The following SHISA8 variants were observed in gnomAD, a reference collection of about 807,000 sequenced individuals.
The protein encoded by SHISA8 is shisa family member 8.
In SHISA8, 21 loss-of-function variants were observed where a neutral mutation model predicts 21.1. The observed-to-expected ratio is 0.99, with a 90% CI of 0.71 to 1.43. SHISA8 has a LOEUF of 1.43. Among genes scored for constraint, SHISA8 ranks in the 40% most tolerant of loss-of-function variants. SHISA8 has a pLI of 0.00. For missense variants in SHISA8, 535 were observed against 599.1 expected, an observed-to-expected ratio of 0.89 and a Z score of 1.12; for synonymous variants, 300 against 291.4, an observed-to-expected ratio of 1.03 and a Z score of -0.30.
chr22:41,914,648 C>A lies in SHISA8; in HGVS notation c.20G>T (p.Arg7Leu), dbSNP rs932596660. 1.5e-3 allele frequency: 1,583 copies of A among 1,022,400 alleles called. 1 individual carries two copies. Among genetic ancestry groups the A allele is most frequent in the Non-Finnish European group, 1.8e-3 (1,500 of 856,220 alleles). The allele number at this position is 1,022,400 out of a possible 1,614,324, so 63.3% of individuals were successfully genotyped here. A position where few individuals can be genotyped will look rare whatever the true frequency, so the allele number is the denominator to read the frequency against. MARAGARGLLGGRRPPG... is the reference protein window; with the variant it reads MARAGALGLLGGRRPPG... ...AGGACGGCGGCCGCCGAGCAGTCCC[C>A]GCGCCCCGGCCCGCGCCATCGGGCC... Residue 7 changes from arginine to leucine, a missense_variant, in exon 1 of 4, where the codon CGG becomes CTG. Physicochemically the swap from Arg to Leu is moderately radical, Grantham distance 102. Transcript: ENST00000621082. The surrounding 1 kb of genome is among the most constrained non-coding windows in gnomAD (Gnocchi z 6.8).
In SHISA8 at chr22:41,914,689, T is replaced by C. The variant is rs1382835756; in HGVS notation, c.-22A>G. 3.9e-6 allele frequency: 4 copies of C among 1,014,572 alleles called. No homozygotes were observed. The highest frequency in any genetic ancestry group is 2.4e-6 in the Non-Finnish European group (2 of 850,988). 62.8% of individuals were successfully genotyped at this position (1,014,572 alleles called of 1,614,324 possible). ...CCATCGGGCCCGCGCCTCCCGCTAC[T>C]GCGCCCGGTGCATGGCCGGGCGCCG... is the stretch of plus-strand genomic sequence containing the variant. On this transcript the variant is annotated 5_prime_UTR_variant, in exon 1 of 4. Coordinates refer to ENST00000621082, the MANE Select transcript of SHISA8 (RefSeq NM_001207020.3). The surrounding 1 kb of genome is among the most constrained non-coding windows in gnomAD (Gnocchi z 6.8).
At chr22:41,913,194 C>T (rs1258533836) in intron 1 of SHISA8, among the ~76,000 whole-genome samples, 1 of 152,266 alleles carries the variant, frequency 6.6e-6, no homozygotes, top group Non-Finnish European at 1.5e-5. Flanking sequence ...AAGCCCTCAC[C>T]CCCTGCCTCT....
Position 41,909,829 on chromosome 22 carries a change from T to C in SHISA8, c.1130A>G (p.Tyr377Cys). The C allele has an allele frequency of 2.0e-6, 3 of 1,522,468 alleles. No homozygotes were observed. In the South Asian group the frequency reaches 3.7e-5, roughly 19 times the overall value. The allele number at this position is 1,522,468 out of a possible 1,614,324, so 94.3% of individuals were successfully genotyped here. ...ETFNPQLPGL[Y>C]GSAGRGSRYL... is the part of the protein sequence containing the mutation. The stretch of plus-strand genomic sequence containing the variant: ...CCGGGACCCGCGGCCCGCGCTGCCG[T>C]AAAGGCCGGGGAGCTGCGGGTTGAA... Residue 377 changes from tyrosine to cysteine, a missense_variant, in exon 4 of 4, where the codon TAC (tyrosine) becomes TGC (cysteine). Physicochemically the swap from Tyr to Cys is radical, Grantham distance 194. Transcript: ENST00000621082.
intron 1 of SHISA8, among the ~76,000 whole-genome samples, chr22:41,911,722 G>A (rs570804866): frequency 9.9e-4 from 151 of 152,112 alleles, no homozygotes; most frequent in African/African-American, 3.5e-3. Flanking sequence ...CCCCATCAGC[G>A]GCCTCCTCCA....
In SHISA8 at chr22:41,914,452, C is replaced by T; in HGVS notation, c.216G>A (p.Pro72=). The stretch of plus-strand genomic sequence containing the variant: ...AGGCTCCGGAGCTGCAGTTGAAGGG[C>T]GGGTCCCACTGGCCCATCACGTCGT... ...GYYDVMGQWD[P]PFNCSSGAYS... Residue 72 remains proline, a synonymous_variant, in exon 1 of 4, where the codon CCG becomes CCA. Coordinates refer to ENST00000621082, the MANE Select transcript of SHISA8 (RefSeq NM_001207020.3). The surrounding 1 kb of genome is among the most constrained non-coding windows in gnomAD (Gnocchi z 6.8). The T allele has an allele frequency of 7.4e-7, 1 of 1,354,720 alleles. No homozygotes were observed. The highest frequency in any genetic ancestry group is 9.5e-7 in the Non-Finnish European group (1 of 1,049,212). The allele number at this position is 1,354,720 out of a possible 1,614,324, so 83.9% of individuals were successfully genotyped here. A position where few individuals can be genotyped will look rare whatever the true frequency, so the allele number is the denominator to read the frequency against.
At position 41,910,521 on chromosome 22, in the gene SHISA8, G is replaced by A. The variant is rs756513515; in HGVS notation, c.698C>T (p.Ser233Leu). Residue 233 changes from serine to leucine, a missense_variant, in exon 3 of 4, where the codon TCG becomes TTG. By Grantham distance (145) the Ser-to-Leu change is moderately radical. Coordinates refer to ENST00000621082, the MANE Select transcript of SHISA8 (RefSeq NM_001207020.3). The surrounding 1 kb of genome is among the most constrained non-coding windows in gnomAD (Gnocchi z 6.8). The stretch of plus-strand genomic sequence containing the variant: ...GCCGCGCGGGGGCCCCGGGGCGGCC[G>A]ACCCCCGGGGCGCGTTGTTGAGGCG... ...KKRLNNAPRG[S>L]AAPGPPRGPR... 4.1e-5 allele frequency: 51 copies of A among 1,245,142 alleles called. 1 individual carries two copies. The South Asian group carries it at 9.7e-4, about 24-fold the overall frequency. The allele number at this position is 1,245,142 out of a possible 1,614,324, so 77.1% of individuals were successfully genotyped here.
chr22:41,914,683 C>G lies in SHISA8; in HGVS notation c.-16G>C. 3 of 1,016,062 alleles carry G rather than the reference C, an allele frequency of 3.0e-6. No individual in the cohort carries two copies. The highest frequency in any genetic ancestry group is 3.5e-6 in the Non-Finnish European group (3 of 851,932). The allele number at this position is 1,016,062 out of a possible 1,614,324, so 62.9% of individuals were successfully genotyped here. A position where few individuals can be genotyped will look rare whatever the true frequency, so the allele number is the denominator to read the frequency against. ...CCCGCGCCATCGGGCCCGCGCCTCC[C>G]GCTACTGCGCCCGGTGCATGGCCGG... On this transcript the variant is annotated 5_prime_UTR_variant, in exon 1 of 4. Transcript: ENST00000621082. This position sits in a 1 kb window ranked among gnomAD's most constrained non-coding sequence, Gnocchi z 6.8.
rs996162391 is a variant in SHISA8 at position 41,910,009 on chromosome 22, G to A, written c.950C>T (p.Ala317Val). ...ATAGGGGCCCGGCGCGGCAGGGGGCGCGTAGACCGGCGGGGCCCAGGGGCA... is the reference window on the plus strand; with the variant it reads ...ATAGGGGCCCGGCGCGGCAGGGGGCACGTAGACCGGCGGGGCCCAGGGGCA... ...DACPWAPPVYAPPAAPGPYAA... is the reference protein window; with the variant it reads ...DACPWAPPVYVPPAAPGPYAA... Residue 317 changes from alanine (A) to valine (V), a missense_variant, in exon 4 of 4, where the codon GCG (alanine) becomes GTG (valine). Ala to Val is a moderately conservative substitution (Grantham distance 64). Transcript: ENST00000621082. The surrounding 1 kb of genome is among the most constrained non-coding windows in gnomAD (Gnocchi z 6.8). 2.3e-6 allele frequency: 3 copies of A among 1,284,036 alleles called. No homozygotes were observed. The highest frequency in any genetic ancestry group is 1.6e-5 in the African/African-American group (1 of 64,494). The allele number at this position is 1,284,036 out of a possible 1,614,324, so 79.5% of individuals were successfully genotyped here. A position where few individuals can be genotyped will look rare whatever the true frequency, so the allele number is the denominator to read the frequency against.
chr22:41,913,717 T>C (rs1341493734), intron 1 of SHISA8, among the ~76,000 whole-genome samples: 1 of 144,120 alleles, frequency 6.9e-6, no homozygotes, highest in African/African-American at 2.6e-5. Flanking sequence ...GAGGGAGGAG[T>C]GGGGAGAAGC....
rs776508624 is a variant in SHISA8 at position 41,909,919 on chromosome 22, A to C, written c.1040T>G (p.Phe347Cys). Reference sequence around the variant, plus strand: ...GTGCCCGGGTCGCCGGGGTACCTGGAAGGCCCGAGCCGTCGGGTGGCTGAG... The same window carrying C: ...GTGCCCGGGTCGCCGGGGTACCTGGCAGGCCCGAGCCGTCGGGTGGCTGAG... ...APLSHPTARA[F>C]QVPRRPGHAA... The change falls in exon 4 of 4, where the codon TTC (phenylalanine) becomes TGC (cysteine). Residue 347 changes from phenylalanine to cysteine, a missense_variant. Physicochemically the swap from Phe to Cys is radical, Grantham distance 205 (BLOSUM62 -2). Coordinates refer to ENST00000621082, the MANE Select transcript of SHISA8 (RefSeq NM_001207020.3). 6.6e-7 allele frequency: 1 copy of C among 1,525,834 alleles called. No homozygotes were observed. The highest frequency in any genetic ancestry group is 1.2e-5 in the South Asian group (1 of 82,508). 94.5% of individuals were successfully genotyped at this position (1,525,834 alleles called of 1,614,324 possible).
In SHISA8 at chr22:41,909,835, C is replaced by T; in HGVS notation, c.1124G>A (p.Gly375Asp). 1 of 1,527,634 alleles carries T rather than the reference C, an allele frequency of 6.5e-7. No individual in the cohort carries two copies. The highest frequency in any genetic ancestry group is 8.7e-7 in the Non-Finnish European group (1 of 1,143,280). The allele number at this position is 1,527,634 out of a possible 1,614,324, so 94.6% of individuals were successfully genotyped here. Residue 375 changes from glycine (G) to aspartate (D), a missense_variant, in exon 4 of 4, where the codon GGC becomes GAC. Transcript: ENST00000621082. Reference sequence around the variant, plus strand: ...CCCGCGGCCCGCGCTGCCGTAAAGGCCGGGGAGCTGCGGGTTGAAGGTCTC... The same window carrying T: ...CCCGCGGCCCGCGCTGCCGTAAAGGTCGGGGAGCTGCGGGTTGAAGGTCTC... ...MPETFNPQLP[G>D]LYGSAGRGSR...
Position 41,910,254 on chromosome 22 carries a change from C to T in SHISA8, c.812-107G>A. On this transcript the variant is annotated intron_variant, in intron 3 of 3. Transcript: ENST00000621082. The surrounding 1 kb of genome is among the most constrained non-coding windows in gnomAD (Gnocchi z 6.8). ...GGGACGGGGACCGGGCCGGGGCGGG[C>T]CGGGGGCGGGGCCCGCTGGGGCGAG... 3.3e-6 allele frequency: 4 copies of T among 1,225,464 alleles called. No individual in the cohort carries two copies. The highest frequency in any genetic ancestry group is 4.1e-6 in the Non-Finnish European group (4 of 982,548). The allele number at this position is 1,225,464 out of a possible 1,614,324, so 75.9% of individuals were successfully genotyped here.
rs931180046 is a variant in SHISA8 at position 41,909,985 on chromosome 22, T to C, written c.974A>G (p.Tyr325Cys). 20 of 1,338,352 alleles carry C rather than the reference T, an allele frequency of 1.5e-5. No homozygotes were observed. The highest frequency in any genetic ancestry group is 1.9e-5 in the Non-Finnish European group (20 of 1,053,740). The allele number at this position is 1,338,352 out of a possible 1,614,324, so 82.9% of individuals were successfully genotyped here. A position where few individuals can be genotyped will look rare whatever the true frequency, so the allele number is the denominator to read the frequency against. ...VYAPPAAPGP[Y>C]AAWTSSRPAR... ...CGGGCGACTGGAGGTCCAGGCGGCA[T>C]AGGGGCCCGGCGCGGCAGGGGGCGC... Residue 325 changes from tyrosine to cysteine, a missense_variant, in exon 4 of 4, where the codon TAT becomes TGT. Physicochemically the swap from Tyr to Cys is radical, Grantham distance 194. Transcript: ENST00000621082.
rs2077552569 is a variant in SHISA8, at chr22:41,911,353, C to T, written c.531-4G>A. The T allele has an allele frequency of 4.8e-6, 6 of 1,239,762 alleles. No homozygotes were observed. Among genetic ancestry groups the T allele is most frequent in the African/African-American group, 1.5e-5 (1 of 64,556 alleles). 76.8% of individuals were successfully genotyped at this position (1,239,762 alleles called of 1,614,324 possible). A position where few individuals can be genotyped will look rare whatever the true frequency, so the allele number is the denominator to read the frequency against. ...CTTCAGAAGCTCTGTCAGCGCCCTG[C>T]GGGGACAGCAGTCAGGGGTGGCCCT... is the stretch of plus-strand genomic sequence containing the variant. On this transcript the variant is annotated splice_region_variant and splice_polypyrimidine_tract_variant and intron_variant, in intron 1 of 3. Coordinates refer to ENST00000621082, the MANE Select transcript of SHISA8 (RefSeq NM_001207020.3).
chr22:41,914,059 C>T lies in SHISA8; in HGVS notation c.530+79G>A. The T allele has an allele frequency of 7.8e-7, 1 of 1,282,436 alleles. No homozygotes were observed. Among genetic ancestry groups the T allele is most frequent in the Non-Finnish European group, 9.9e-7 (1 of 1,011,628 alleles). 79.4% of individuals were successfully genotyped at this position (1,282,436 alleles called of 1,614,324 possible). On this transcript the variant is annotated intron_variant, in intron 1 of 3. Coordinates refer to ENST00000621082, the MANE Select transcript of SHISA8 (RefSeq NM_001207020.3). This position sits in a 1 kb window ranked among gnomAD's most constrained non-coding sequence, Gnocchi z 6.8. ...GGGCCTGCTGGGAGAACCAGCGCTT[C>T]GAGAGCGGCGGGAAGGATCAGCGGG...
chr22:41,912,820 C>A (rs1383451485), intron 1 of SHISA8, among the ~76,000 whole-genome samples: 2 of 152,186 alleles, frequency 1.3e-5, no homozygotes, highest in South Asian at 2.1e-4. Flanking sequence ...GGCTTTCCTG[C>A]GGCATCACCA....
In SHISA8 at chr22:41,914,259, G is replaced by A. The variant is rs1442186907; in HGVS notation, c.409C>T (p.Arg137Cys). 8 of 1,315,824 alleles carry A rather than the reference G, an allele frequency of 6.1e-6. No homozygotes were observed. The highest frequency in any genetic ancestry group is 7.7e-6 in the Non-Finnish European group (8 of 1,038,812). 81.5% of individuals were successfully genotyped at this position (1,315,824 alleles called of 1,614,324 possible). Residue 137 changes from arginine (R) to cysteine (C), a missense_variant, in exon 1 of 4, where the codon CGC becomes TGC. By Grantham distance (180) the Arg-to-Cys change is radical. Transcript: ENST00000621082. This position sits in a 1 kb window ranked among gnomAD's most constrained non-coding sequence, Gnocchi z 6.8. ...TAAPRDPGRE[R>C]SHTAVYAVCG... ...ACAGCGTAGACGGCCGTATGGCTGC[G>A]CTCGCGGCCGGGGTCCCGGGGCGCT...
At chr22:41,913,113 C>T (rs1382353408) in intron 1 of SHISA8, among the ~76,000 whole-genome samples, 1 of 152,250 alleles carries the variant, frequency 6.6e-6, no homozygotes, top group African/African-American at 2.4e-5. Flanking sequence ...CCAGCCCGGG[C>T]TTCCCTTAGA....
chr22:41,911,873 G>A (rs1276803241), intron 1 of SHISA8, among the ~76,000 whole-genome samples: 2 of 152,164 alleles, frequency 1.3e-5, no homozygotes, highest in Non-Finnish European at 2.9e-5. Context: ...AGCTTCCCTA[G>A]TAGCTGGGAT....
Sources: allele counts gnomAD v4.1 joint callset (sites outside exome capture counted in the v4.1 genomes callset), GRCh38; gene constraint gnomAD v4.1.1; non-coding constraint Gnocchi (gnomAD v3.1); transcripts MANE v1.5; gene names NCBI Gene and HGNC (gene_info 2026-07-23, HGNC 2026-07-21).